Variants in ZNF518A observed in about 807,000 individuals in gnomAD.
The protein encoded by ZNF518A is zinc finger protein 518.
In ZNF518A, 47 loss-of-function variants were observed where a neutral mutation model predicts 102.7. That is an observed-to-expected ratio of 0.46 (90% CI 0.36 to 0.58). The LOEUF (loss-of-function observed/expected upper bound fraction) is 0.58, where lower values mean the gene tolerates loss of function less well. Among genes scored for constraint, ZNF518A ranks in the 20% least tolerant of loss-of-function variants. The pLI is 0.00. For missense variants in ZNF518A, 1,793 were observed against 1,699.8 expected (o/e 1.05, Z -0.96); for synonymous variants, 652 against 594.6 (o/e 1.10, Z -1.40).
intron 3 of ZNF518A, among the ~76,000 whole-genome samples, chr10:96,143,936 G>A (rs1343092966): frequency 6.6e-6 from 1 of 152,156 alleles, no homozygotes; most frequent in Non-Finnish European, 1.5e-5. Flanking sequence ...ATGAAAACAA[G>A]GATCATTTCT....
chr10:96,172,280 T>C (rs1320433443), intron 1 of ZNF518A, among the ~76,000 whole-genome samples: 1 of 152,094 alleles, frequency 6.6e-6, no homozygotes. Context: ...TAATTGTATT[T>C]TGGGGCCAAT....
chr10:96,131,837 A>G (rs782158766), intron 1 of ZNF518A, among the ~76,000 whole-genome samples: 4 of 152,272 alleles, frequency 2.6e-5, no homozygotes, highest in East Asian at 1.9e-4. Flanking sequence ...AAGTTTCTAT[A>G]TTTTGAAATA....
intron 1 of ZNF518A, among the ~76,000 whole-genome samples, chr10:96,184,213 T>A (rs949289294): frequency 3.9e-5 from 6 of 152,204 alleles, no homozygotes; most frequent in African/African-American, 2.4e-5. Context: ...GTGAGATGGG[T>A]CTCCTGAATA....
In ZNF518A at chr10:96,191,885, C is replaced by A. The variant is rs2083335050; in HGVS notation, n.36-11689C>A. ...TTTTATTACTGGATGATTCATAATC[C>A]AAAATATGAAGTTTTGGGACTTTTT... On this transcript the variant is annotated intron_variant and non_coding_transcript_variant, in intron 1 of 2. Coordinates refer to the ZNF518A transcript ENST00000442635. The A allele has an allele frequency of 3.9e-6, 6 of 1,547,010 alleles. No homozygotes were observed. The South Asian group carries it at 6.8e-5, about 18-fold the overall frequency.
intron 1 of ZNF518A, among the ~76,000 whole-genome samples, chr10:96,171,506 T>C (rs887894717): frequency 1.3e-5 from 2 of 152,144 alleles, no homozygotes; most frequent in Admixed American, 6.5e-5. Flanking sequence ...AGATTAGTAG[T>C]GGTTGCTTAA....
chr10:96,187,285 C>A (rs10748663), intron 1 of ZNF518A, among the ~76,000 whole-genome samples: 109,751 of 152,116 alleles, frequency 0.72, 40,674 homozygotes, highest in East Asian at 0.86. Flanking sequence ...TATCAGGCAC[C>A]ACTAGCTTAC....
At chr10:96,151,387 T>C (rs1481411012) in intron 3 of ZNF518A, 2 of 152,232 alleles carry the variant, frequency 1.3e-5, no homozygotes, top group Non-Finnish European at 2.9e-5. Flanking sequence ...TGTTCAGAAA[T>C]AATGTCCTCT....
intron 1 of ZNF518A, among the ~76,000 whole-genome samples, chr10:96,187,161 A>G (rs941911718): frequency 6.6e-6 from 1 of 152,260 alleles, no homozygotes; most frequent in African/African-American, 2.4e-5. Flanking sequence ...ATACACAATT[A>G]TAATTACTAA....
chr10:96,162,625 A>T lies in ZNF518A; in HGVS notation c.*1851A>T, dbSNP rs1328492861. 1.2e-5 allele frequency: 2 copies of T among 166,470 alleles called. No individual in the cohort carries two copies. Among genetic ancestry groups the T allele is most frequent in the Non-Finnish European group, 2.9e-5 (2 of 68,022 alleles). 10.3% of individuals were successfully genotyped at this position (166,470 alleles called of 1,614,324 possible). ...TAAATTGAGCCTAAGAATGGAGTTAATTGGAAATATACAGTATATATTAAT... is the reference window on the plus strand; with the variant it reads ...TAAATTGAGCCTAAGAATGGAGTTATTTGGAAATATACAGTATATATTAAT... On this transcript the variant is annotated 3_prime_UTR_variant, in exon 6 of 6. Coordinates refer to ENST00000316045, the MANE Select transcript of ZNF518A (RefSeq NM_001330736.2).
At position 96,181,568 on chromosome 10, in the gene ZNF518A, C is replaced by T. The variant is rs113561404; in HGVS notation, n.36-22006C>T. On this transcript the variant is annotated intron_variant and non_coding_transcript_variant, in intron 1 of 2. Coordinates refer to the ZNF518A transcript ENST00000442635. Reference sequence around the variant, plus strand: ...CAGTTTCAGCTTTCTATATATGGCTCGCCAGTTTTCCCAGCACCATTAATT... The same window carrying T: ...CAGTTTCAGCTTTCTATATATGGCTTGCCAGTTTTCCCAGCACCATTAATT... 1.7e-3 allele frequency among the ~76,000 whole-genome samples: 253 copies of T among 152,198 alleles called. 3 individuals are homozygous for T. Among genetic ancestry groups the T allele is most frequent in the African/African-American group, 5.7e-3 (238 of 41,522 alleles).
At chr10:96,187,150 A>G (rs1554892677) in intron 1 of ZNF518A, among the ~76,000 whole-genome samples, 1 of 152,258 alleles carries the variant, frequency 6.6e-6, no homozygotes, top group Admixed American at 6.5e-5. Context: ...AGATTTTCCT[A>G]ATACACAATT....
At chr10:96,192,223 A>T in intron 1 of ZNF518A, 1 of 1,299,700 alleles carries the variant, frequency 7.7e-7, no homozygotes, top group Non-Finnish European at 1.1e-6. Flanking sequence ...GCACAAAAAA[A>T]TCTAGTTTAA....
rs1591073913 is a variant in ZNF518A, at chr10:96,130,452, G to C, written c.-753G>C. Among the ~76,000 whole-genome samples, 1 of 152,256 alleles carries C rather than the reference G, an allele frequency of 6.6e-6. No homozygotes were observed. Among genetic ancestry groups the C allele is most frequent in the Non-Finnish European group, 1.5e-5 (1 of 68,048 alleles). On this transcript the variant is annotated 5_prime_UTR_variant, in exon 1 of 6. Transcript: ENST00000316045. ...CCTACATTCTAGGAGCTGGGTGGGA[G>C]TAGGAGACGGTGTGCCTCCGCGCTC...
Position 96,157,208 on chromosome 10 carries a change from G to C in ZNF518A, c.886G>C (p.Glu296Gln). The C allele has an allele frequency of 6.2e-7, 1 of 1,609,464 alleles. No individual in the cohort carries two copies. The highest frequency in any genetic ancestry group is 1.1e-5 in the South Asian group (1 of 90,042). Residue 296 changes from glutamate (E) to glutamine (Q), a missense_variant, in exon 6 of 6, where the codon GAA becomes CAA. By Grantham distance (29) the Glu-to-Gln change is conservative (BLOSUM62 2). Transcript: ENST00000316045. ...ACATTTATATGCAAAAGAAAAACTGGAAAAAGACAAATATGAAAAAAGAAT... is the reference window on the plus strand; with the variant it reads ...ACATTTATATGCAAAAGAAAAACTGCAAAAAGACAAATATGAAAAAAGAAT... The part of the protein sequence containing the change: ...KEHLYAKEKL[E>Q]KDKYEKRMAK...
chr10:96,138,797 A>G (rs1428452746), intron 3 of ZNF518A, among the ~76,000 whole-genome samples: 1 of 152,196 alleles, frequency 6.6e-6, no homozygotes, highest in East Asian at 1.9e-4. Context: ...AGTAAAGGAC[A>G]TTACAGATGT....
intron 1 of ZNF518A, among the ~76,000 whole-genome samples, chr10:96,177,367 G>T (rs587626033): frequency 6.6e-6 from 1 of 152,112 alleles, no homozygotes; most frequent in Non-Finnish European, 1.5e-5. Context: ...GCACAACTGC[G>T]CTACCTTAAA....
At chr10:96,154,463 C>CT (rs1389327009) in intron 3 of ZNF518A, among the ~76,000 whole-genome samples, 4 of 145,046 alleles carry the variant, frequency 2.8e-5, no homozygotes, top group South Asian at 2.2e-4. Flanking sequence ...GCCTTCTTTT[C>CT]TTTTTTTTCT....
chr10:96,167,199 G>A (rs780616179), downstream of ZNF518A, among the ~76,000 whole-genome samples: 23 of 152,202 alleles, frequency 1.5e-4, no homozygotes, highest in Non-Finnish European at 2.9e-4. Flanking sequence ...AGTGGTTCAT[G>A]CCTGTAATGC....
intron 3 of ZNF518A, among the ~76,000 whole-genome samples, chr10:96,135,542 C>T (rs1554874141): frequency 6.6e-6 from 1 of 152,214 alleles, no homozygotes; most frequent in Non-Finnish European, 1.5e-5. Flanking sequence ...TGCATTCAAT[C>T]TACTTTCACT....
Sources: gnomAD v4.1 joint callset for allele counts (sites outside exome capture counted in the v4.1 genomes callset) on GRCh38, gnomAD v4.1.1 for gene constraint, MANE v1.5 for transcripts, NCBI Gene and HGNC (gene_info 2026-07-23, HGNC 2026-07-21) for gene names.